Variants in PCDHA7 observed in about 807,000 individuals in gnomAD.
PCDHA7 encodes the protein protocadherin alpha 7, also known as protocadherin alpha-7.
PCDHA7 carries 37 observed loss-of-function variants against 57.2 expected under a neutral mutation model. The observed-to-expected ratio is 0.65, with a 90% CI of 0.50 to 0.85. The LOEUF is 0.85. Among genes scored for constraint, PCDHA7 ranks in the 40% least tolerant of loss-of-function variants. PCDHA7 has a pLI of 0.00. For missense variants in PCDHA7, 1,188 were observed against 1,241.8 expected, an observed-to-expected ratio of 0.96 and a Z score of 0.65; for synonymous variants, 553 against 558.8, an observed-to-expected ratio of 0.99 and a Z score of 0.15.
At chr5:140,950,751 T>G (rs1051693960) in intron 1 of PCDHA7, among the ~76,000 whole-genome samples, 3 of 152,154 alleles carry the variant, frequency 2.0e-5, no homozygotes, top group African/African-American at 7.2e-5. Flanking sequence ...CTCTCTATCC[T>G]TTCTGGACTC....
intron 1 of PCDHA7, chr5:140,849,828 G>A (rs2150452288): frequency 2.5e-6 from 4 of 1,598,564 alleles, no homozygotes; most frequent in East Asian, 2.2e-5. Flanking sequence ...GTCTGTGGAG[G>A]TGGCCGACGT....
intron 1 of PCDHA7, among the ~76,000 whole-genome samples, chr5:140,946,042 C>T (rs967126849): frequency 4.6e-4 from 70 of 152,118 alleles, no homozygotes; most frequent in African/African-American, 1.6e-3. Flanking sequence ...AGTGAAGGGA[C>T]AATCCACAGA....
intron 3 of PCDHA7, among the ~76,000 whole-genome samples, chr5:140,984,315 C>G (rs1254013417): frequency 1.3e-5 from 2 of 152,124 alleles, no homozygotes; most frequent in African/African-American, 4.8e-5. Flanking sequence ...GTGTGTATTC[C>G]TAGGCAAATG....
intron 3 of PCDHA7, among the ~76,000 whole-genome samples, chr5:140,986,524 G>C (rs2097203903): frequency 6.6e-6 from 1 of 152,198 alleles, no homozygotes; most frequent in South Asian, 2.1e-4. Flanking sequence ...GCCTGTGAGG[G>C]AACTGGCCTG....
intron 3 of PCDHA7, among the ~76,000 whole-genome samples, chr5:141,006,057 A>G (rs2098253248): frequency 6.6e-6 from 1 of 152,022 alleles, no homozygotes. Context: ...AGAGTGGAGA[A>G]GAAATAAAAA....
Position 140,856,487 on chromosome 5 carries a change from C to G in PCDHA7, c.2355+19749C>G, listed in dbSNP as rs1171656977. Reference sequence around the variant, plus strand: ...GCTCTCAATACCTGAATCCAGACTGCTTGACTCTCGATTTCCACTAGAAGG... The same window carrying G: ...GCTCTCAATACCTGAATCCAGACTGGTTGACTCTCGATTTCCACTAGAAGG... On this transcript the variant is annotated intron_variant, in intron 1 of 3. Coordinates refer to ENST00000525929, the MANE Select transcript of PCDHA7 (RefSeq NM_018910.3). 4 of 1,598,200 alleles carry G rather than the reference C, an allele frequency of 2.5e-6. No homozygotes were observed. The African/African-American group carries it at 5.4e-5, about 22-fold the overall frequency.
rs781866730 is a variant in PCDHA7 at position 141,009,887 on chromosome 5, CAG to C, written c.2765_2766del (p.Gln922ArgfsTer11). ...GAAAAAGAAGAAGGGTAACAAGACCCAGGAGAAAAAAGAGAAAGGGAACAGCA... is the reference window on the plus strand; with the variant it reads ...GAAAAAGAAGAAGGGTAACAAGACCCGAGAAAAAAGAGAAAGGGAACAGCA... ...KKKKKKGNKTQEKKEKGNSTT... is the reference protein window; with the variant it reads ...KKKKKKGNKTXEKKEKGNSTT... On this transcript the variant is annotated frameshift_variant, in exon 4 of 4. Transcript: ENST00000525929. LOFTEE classifies it high-confidence loss of function. 1.9e-6 allele frequency: 3 copies of C among 1,612,850 alleles called. No homozygotes were observed. In the South Asian group the frequency reaches 3.3e-5, roughly 18 times the overall value.
intron 1 of PCDHA7, among the ~76,000 whole-genome samples, chr5:140,886,264 A>G (rs1471846282): frequency 6.6e-6 from 1 of 151,982 alleles, no homozygotes; most frequent in Non-Finnish European, 1.5e-5. Context: ...CTATTTATAG[A>G]TAAAATTTTT....
intron 3 of PCDHA7, among the ~76,000 whole-genome samples, chr5:141,003,290 G>A (rs1302166316): frequency 1.3e-5 from 2 of 152,176 alleles, no homozygotes; most frequent in Non-Finnish European, 2.9e-5. Flanking sequence ...TTGGATTATA[G>A]GATTACATGA....
rs1261636098 is a variant in PCDHA7, at chr5:140,968,913, C to G, written c.2356-10036C>G. 6.8e-6 allele frequency: 11 copies of G among 1,614,036 alleles called. No homozygotes were observed. Among genetic ancestry groups the G allele is most frequent in the Non-Finnish European group, 8.5e-6 (10 of 1,180,044 alleles). On this transcript the variant is annotated intron_variant, in intron 1 of 3. Transcript: ENST00000525929. ...CTAATAATAGCATTAAGCACAGTGT[C>G]TTTTATATTTCTTTTGACAATCATC...
chr5:140,927,621 A>G (rs141117468), intron 1 of PCDHA7: 25 of 1,614,198 alleles, frequency 1.5e-5, no homozygotes, highest in Middle Eastern at 3.3e-4. Context: ...CCAAGGTTCC[A>G]GAGACTGCAC....
intron 1 of PCDHA7, chr5:140,867,560 C>G (rs1352328708): frequency 1.3e-5 from 2 of 152,070 alleles, no homozygotes; most frequent in African/African-American, 4.8e-5. Context: ...CATATGATAA[C>G]TTTTTCATAT....
rs1222255074 is a variant in PCDHA7 at position 141,012,119 on chromosome 5, A to G, written c.*2182A>G. ...CATTTTGCCCCACTGAAGCCCATGT[A>G]TCTGACCTTACGTGCCTTTTGAACT... On this transcript the variant is annotated 3_prime_UTR_variant, in exon 4 of 4. Coordinates refer to ENST00000525929, the MANE Select transcript of PCDHA7 (RefSeq NM_018910.3). 6.5e-6 allele frequency: 1 copy of G among 153,734 alleles called. No individual in the cohort carries two copies. Among genetic ancestry groups the G allele is most frequent in the African/African-American group, 2.4e-5 (1 of 41,454 alleles). 9.5% of individuals were successfully genotyped at this position (153,734 alleles called of 1,614,324 possible). A position where few individuals can be genotyped will look rare whatever the true frequency, so the allele number is the denominator to read the frequency against.
chr5:140,850,244 G>C, intron 1 of PCDHA7: 1 of 1,593,676 alleles, frequency 6.3e-7, no homozygotes, highest in Non-Finnish European at 8.6e-7. Flanking sequence ...TGGTGCTGCG[G>C]TCGGTGGGCG....
chr5:140,841,612 G>A (rs141381378), intron 1 of PCDHA7: 7 of 1,614,012 alleles, frequency 4.3e-6, no homozygotes, highest in African/African-American at 2.7e-5. Context: ...AGCTGTGCGG[G>A]CGGAGCGCGG....
intron 2 of PCDHA7, among the ~76,000 whole-genome samples, chr5:140,980,822 T>A (rs1433488208): frequency 6.6e-6 from 1 of 152,204 alleles, no homozygotes; most frequent in Non-Finnish European, 1.5e-5. Flanking sequence ...ACATATTAAA[T>A]GAGTTGTGAA....
At chr5:140,892,283 C>T (rs1554185144) in intron 1 of PCDHA7, among the ~76,000 whole-genome samples, 1 of 152,172 alleles carries the variant, frequency 6.6e-6, no homozygotes, top group African/African-American at 2.4e-5. Context: ...GTATTAAACA[C>T]TTCTTCCTGG....
intron 1 of PCDHA7, among the ~76,000 whole-genome samples, chr5:140,916,213 T>A (rs2077480691): frequency 6.6e-6 from 1 of 152,134 alleles, no homozygotes; most frequent in Non-Finnish European, 1.5e-5. Context: ...CTGGGGAAGA[T>A]CCAAATATGC....
intron 1 of PCDHA7, among the ~76,000 whole-genome samples, chr5:140,844,990 A>G (rs1313324994): frequency 6.7e-6 from 1 of 149,154 alleles, no homozygotes; most frequent in Non-Finnish European, 1.5e-5. Flanking sequence ...TAAATCTTTT[A>G]ATCACTTATG....
Sources: allele counts gnomAD v4.1 joint callset (sites outside exome capture counted in the v4.1 genomes callset), GRCh38; gene constraint gnomAD v4.1.1; transcripts MANE v1.5; gene names NCBI Gene and HGNC (gene_info 2026-07-23, HGNC 2026-07-21).